EVC: variants seen among roughly 807,000 people sequenced by gnomAD.
The protein encoded by EVC is evC complex member EVC.
Under a neutral mutation model 118.9 loss-of-function variants are expected in EVC, and 116 were observed. The observed-to-expected ratio is 0.98, with a 90% CI of 0.84 to 1.14. The LOEUF is 1.14. EVC is among the 50% of genes most tolerant of loss of function. The pLI, the probability that EVC is intolerant of heterozygous loss-of-function variation, is 0.00. For synonymous variants in EVC, 619 were observed against 534.7 expected (o/e 1.16, Z -2.18); for missense variants, 1,401 against 1,246.4 (o/e 1.12, Z -1.87).
At chr4:5,801,671 C>CAAAAA (rs35554149) in intron 15 of EVC, 24 of 247,818 alleles carry the variant, frequency 9.7e-5, no homozygotes, top group South Asian at 1.9e-4. Flanking sequence ...GTCTCCATCT[C>CAAAAA]AAAAAAAAAA....
chr4:5,717,153 C>A (rs1302854113), intron 1 of EVC, among the ~76,000 whole-genome samples: 2 of 152,140 alleles, frequency 1.3e-5, no homozygotes, highest in African/African-American at 4.8e-5. Flanking sequence ...CACTTCGATT[C>A]TCTTTGTCTT....
the EVC span, among the ~76,000 whole-genome samples, chr4:5,823,832 T>C: frequency 6.6e-6 from 1 of 152,224 alleles, no homozygotes; most frequent in Non-Finnish European, 1.5e-5. Context: ...TAATCCTTTA[T>C]AGCAATGTAA....
Position 5,798,672 on chromosome 4 carries a change from G to T in EVC, c.2184G>T (p.Glu728Asp). 6.3e-7 allele frequency: 1 copy of T among 1,599,690 alleles called. No homozygotes were observed. Among genetic ancestry groups the T allele is most frequent in the Non-Finnish European group, 8.5e-7 (1 of 1,175,210 alleles). The change falls in exon 15 of 21, where the codon GAG (glutamate) becomes GAT (aspartate). Residue 728 changes from glutamate (E) to aspartate (D), a missense_variant. Glu to Asp is a conservative substitution (Grantham distance 45, BLOSUM62 2). Coordinates refer to ENST00000264956, the MANE Select transcript of EVC (RefSeq NM_153717.3). The surrounding 1 kb of genome is among the most constrained non-coding windows in gnomAD (Gnocchi z 4.1). ...RLQLQQRLLA[E>D]AQEVGQLLQQ... ...AGCTCCAGCAGCGGCTCCTGGCCGAGGCCCAGGAGGTGGGGCAGCTTCTGC... is the reference window on the plus strand; with the variant it reads ...AGCTCCAGCAGCGGCTCCTGGCCGATGCCCAGGAGGTGGGGCAGCTTCTGC...
chr4:5,760,599 CT>C (rs1260543935), intron 11 of EVC, among the ~76,000 whole-genome samples: 1 of 152,140 alleles, frequency 6.6e-6, no homozygotes, highest in Non-Finnish European at 1.5e-5. Flanking sequence ...GTTGCCCAGG[CT>C]GGAGTGCAAT....
Position 5,760,000 on chromosome 4 carries a change from TGG to T in EVC, c.1563+3640_1563+3641del, listed in dbSNP as rs754410355. Among the ~76,000 whole-genome samples, 9 of 152,010 alleles carry T rather than the reference TGG, an allele frequency of 5.9e-5. No individual in the cohort carries two copies. The East Asian group carries it at 1.5e-3, about 26-fold the overall frequency. On this transcript the variant is annotated intron_variant, in intron 11 of 20. Coordinates refer to ENST00000264956, the MANE Select transcript of EVC (RefSeq NM_153717.3). ...AGACAGGAAGACTCCAAGCGGGAAG[TGG>T]GCTTCCAAATCACAGGTAGGCAAGA... is the stretch of plus-strand genomic sequence containing the variant.
intron 4 of EVC, among the ~76,000 whole-genome samples, chr4:5,732,228 G>C (rs1045453990): frequency 6.6e-6 from 1 of 152,178 alleles, no homozygotes; most frequent in African/African-American, 2.4e-5. Flanking sequence ...GGCTCCGCAC[G>C]TGGTGGGGGC....
At chr4:5,794,916 T>C (rs1255992373) in intron 13 of EVC, among the ~76,000 whole-genome samples, 2 of 152,200 alleles carry the variant, frequency 1.3e-5, no homozygotes, top group Non-Finnish European at 2.9e-5. Flanking sequence ...CCCCAGGGTC[T>C]ATTGTTCCCA....
rs1235365750 is a variant in EVC, at chr4:5,798,558, C to T, written c.2098-28C>T. On this transcript the variant is annotated intron_variant, in intron 14 of 20. Transcript: ENST00000264956. The surrounding 1 kb of genome is among the most constrained non-coding windows in gnomAD (Gnocchi z 4.1). Reference sequence around the variant, plus strand: ...GCTTCTCTGTGAGAGGAGCACTTGGCCCCTGCTCCCAGTCCTTTCCCTCCC... The same window carrying T: ...GCTTCTCTGTGAGAGGAGCACTTGGTCCCTGCTCCCAGTCCTTTCCCTCCC... 7 of 1,548,232 alleles carry T rather than the reference C, an allele frequency of 4.5e-6. No individual in the cohort carries two copies. The highest frequency in any genetic ancestry group is 2.4e-5 in the East Asian group (1 of 40,982).
chr4:5,733,851 AC>A (rs1438806736), intron 5 of EVC, among the ~76,000 whole-genome samples: 1 of 152,134 alleles, frequency 6.6e-6, no homozygotes, highest in Non-Finnish European at 1.5e-5. Context: ...CCTCAGCACA[AC>A]CCAGAGGGGC....
chr4:5,760,842 G>A (rs1443414696), intron 11 of EVC, among the ~76,000 whole-genome samples: 1 of 152,150 alleles, frequency 6.6e-6, no homozygotes, highest in African/African-American at 2.4e-5. Flanking sequence ...GTGAGCCACC[G>A]CTCCCGGCCT....
At chr4:5,774,130 G>A (rs1291336833) in intron 11 of EVC, among the ~76,000 whole-genome samples, 2 of 151,760 alleles carry the variant, frequency 1.3e-5, no homozygotes, top group Non-Finnish European at 2.9e-5. Context: ...CACTAGTCCT[G>A]TGCCTCTGCA....
At chr4:5,773,196 A>G (rs544506473) in intron 11 of EVC, among the ~76,000 whole-genome samples, 1 of 152,124 alleles carries the variant, frequency 6.6e-6, no homozygotes, top group South Asian at 2.1e-4. Context: ...CACTTTTAGG[A>G]CCCCCTCCAT....
intron 17 of EVC, among the ~76,000 whole-genome samples, chr4:5,806,720 T>A (rs1180200795): frequency 1.3e-5 from 2 of 152,248 alleles, no homozygotes; most frequent in African/African-American, 4.8e-5. Context: ...GTGGGATTGC[T>A]GGATCAAATG....
chr4:5,825,332 A>C, the EVC span: 2 of 983,490 alleles, frequency 2.0e-6, no homozygotes, highest in African/African-American at 1.8e-5. This position sits in a 1 kb window ranked among gnomAD's most constrained non-coding sequence, Gnocchi z 4.4. Flanking sequence ...ATGCCAGCCC[A>C]CTCTGCCCCA....
intron 11 of EVC, among the ~76,000 whole-genome samples, chr4:5,757,710 T>C (rs566596843): frequency 1.9e-4 from 29 of 152,244 alleles, no homozygotes; most frequent in African/African-American, 6.7e-4. Flanking sequence ...AGGACACCAG[T>C]TCTATGGGAT....
Position 5,798,613 on chromosome 4 carries a change from C to CGGCT in EVC, c.2126_2129dup (p.Glu711AlafsTer57), listed in dbSNP as rs779833768. On this transcript the variant is annotated frameshift_variant, in exon 15 of 21. Transcript: ENST00000264956. LOFTEE classifies it high-confidence loss of function. The surrounding 1 kb of genome is among the most constrained non-coding windows in gnomAD (Gnocchi z 4.1). ...GGCGCGTGTGCTGGAGGAGGCCAGC[C>CGGCT]GGCTAGAGGAGGAAGCACAGCAGAC... The CGGCT allele has an allele frequency of 6.3e-7, 1 of 1,578,628 alleles. No homozygotes were observed. The highest frequency in any genetic ancestry group is 2.3e-5 in the East Asian group (1 of 42,866).
At chr4:5,816,612 G>A (rs1461473861), downstream of EVC, among the ~76,000 whole-genome samples, 3 of 107,952 alleles carry the variant, frequency 2.8e-5, no homozygotes, top group East Asian at 7.6e-4. Flanking sequence ...TACCCCCTCT[G>A]TCCTTCTTTT....
At position 5,812,235 on chromosome 4, in the gene EVC, C is replaced by A. The variant is rs373203194; in HGVS notation, c.*1198C>A. 2.4e-5 allele frequency: 4 copies of A among 167,888 alleles called. No individual in the cohort carries two copies. Among genetic ancestry groups the A allele is most frequent in the Non-Finnish European group, 3.7e-5 (3 of 80,924 alleles). 10.4% of individuals were successfully genotyped at this position (167,888 alleles called of 1,614,324 possible). On this transcript the variant is annotated 3_prime_UTR_variant, in exon 21 of 21. Coordinates refer to ENST00000264956, the MANE Select transcript of EVC (RefSeq NM_153717.3). ...CACCGCCAGGAGAGGCCTTTCCCAC[C>A]GGGAGAGAAACTTCCAGACCAGCCC... is the stretch of plus-strand genomic sequence containing the variant.
intron 11 of EVC, among the ~76,000 whole-genome samples, chr4:5,772,958 A>T (rs945875985): frequency 6.6e-6 from 1 of 152,058 alleles, no homozygotes; most frequent in Non-Finnish European, 1.5e-5. Context: ...GACCTGTCTA[A>T]CTTAGGACTT....
Sources: gnomAD v4.1 joint callset for allele counts (sites outside exome capture counted in the v4.1 genomes callset) on GRCh38, gnomAD v4.1.1 for gene constraint, Gnocchi (gnomAD v3.1) non-coding constraint, MANE v1.5 for transcripts, NCBI Gene and HGNC (gene_info 2026-07-23, HGNC 2026-07-21) for gene names.